The following WIZ variants were observed in gnomAD, a reference collection of about 807,000 sequenced individuals.
WIZ encodes the protein WIZ zinc finger.
In WIZ, 25 loss-of-function variants were observed where a neutral mutation model predicts 140.2. That is an observed-to-expected ratio of 0.18 (90% CI 0.13 to 0.25). WIZ has a LOEUF of 0.25. Among genes scored for constraint, WIZ ranks in the 10% least tolerant of loss-of-function variants. WIZ has a pLI of 1.00. For synonymous variants in WIZ, 1,125 were observed against 1,154.3 expected, an observed-to-expected ratio of 0.97 and a Z score of 0.51; for missense variants, 2,231 against 2,632.6, an observed-to-expected ratio of 0.85 and a Z score of 3.34.
In WIZ at chr19:15,439,957, G is replaced by A; in HGVS notation, c.1037C>T (p.Pro346Leu). Residue 346 changes from proline to leucine, a missense_variant, in exon 4 of 13, where the codon CCT becomes CTT. Coordinates refer to ENST00000673675, the MANE Select transcript of WIZ (RefSeq NM_001371589.1). This position sits in a 1 kb window ranked among gnomAD's most constrained non-coding sequence, Gnocchi z 7.0. ...QHRRAPGQEPPADLAPLACGE... is the reference protein window; with the variant it reads ...QHRRAPGQEPLADLAPLACGE... ...GCAGGCCAGCGGGGCCAGGTCCGCAGGGGGCTCCTGGCCCGGGGCTCGGCG... is the reference window on the plus strand; with the variant it reads ...GCAGGCCAGCGGGGCCAGGTCCGCAAGGGGCTCCTGGCCCGGGGCTCGGCG... 6.5e-7 allele frequency: 1 copy of A among 1,535,554 alleles called. No homozygotes were observed. Among genetic ancestry groups the A allele is most frequent in the Non-Finnish European group, 8.7e-7 (1 of 1,146,600 alleles).
chr19:15,440,243 C>A lies in WIZ; in HGVS notation c.751G>T (p.Glu251Ter). 1 of 1,495,762 alleles carries A rather than the reference C, an allele frequency of 6.7e-7. No individual in the cohort carries two copies. The highest frequency in any genetic ancestry group is 8.9e-7 in the Non-Finnish European group (1 of 1,126,820). The allele number at this position is 1,495,762 out of a possible 1,614,324, so 92.7% of individuals were successfully genotyped here. A position where few individuals can be genotyped will look rare whatever the true frequency, so the allele number is the denominator to read the frequency against. The change falls in exon 4 of 13, where the codon GAG becomes TAG. Residue 251 changes from glutamate (E) to a stop codon, truncating the protein, a stop_gained. Coordinates refer to ENST00000673675, the MANE Select transcript of WIZ (RefSeq NM_001371589.1). LOFTEE classifies it high-confidence loss of function. This position sits in a 1 kb window ranked among gnomAD's most constrained non-coding sequence, Gnocchi z 6.2. ...EDLEGLAQPS[E>*]WGLPTSASEV... ...GAGGCTGACGTGGGTAGGCCCCACTCGGACGGCTGGGCCAGCCCCTCCAGG... is the reference window on the plus strand; with the variant it reads ...GAGGCTGACGTGGGTAGGCCCCACTAGGACGGCTGGGCCAGCCCCTCCAGG...
Position 15,439,979 on chromosome 19 carries a change from G to C in WIZ, c.1015C>G (p.Arg339Gly). ...HLLEHMSQHR[R>G]APGQEPPADL... is the part of the protein sequence containing the mutation. ...GCAGGGGGCTCCTGGCCCGGGGCTC[G>C]GCGGTGCTGGCTCATGTGCTCCAGG... Residue 339 changes from arginine (R) to glycine (G), a missense_variant, in exon 4 of 13, where the codon CGA becomes GGA. This residue lies in a region of WIZ where 475 missense variants were observed against 520.2 expected (regional missense o/e 0.91). Coordinates refer to ENST00000673675, the MANE Select transcript of WIZ (RefSeq NM_001371589.1). This position sits in a 1 kb window ranked among gnomAD's most constrained non-coding sequence, Gnocchi z 7.0. The C allele has an allele frequency of 6.5e-7, 1 of 1,535,800 alleles. No individual in the cohort carries two copies. The highest frequency in any genetic ancestry group is 1.2e-5 in the South Asian group (1 of 84,062).
intron 5 of WIZ, among the ~76,000 whole-genome samples, chr19:15,432,837 T>TGCCGAGC (rs759612841): frequency 5.3e-5 from 8 of 150,790 alleles, no homozygotes; most frequent in South Asian, 2.1e-4. Flanking sequence ...GCCTGCCGAG[T>TGCCGAGC]GCCGAGCGCC....
At position 15,437,077 on chromosome 19, in the gene WIZ, C is replaced by T; in HGVS notation, c.2469G>A (p.Gly823=). ...GGCCGGCCCGTGTGTCGAAGCCAGCCCCGCAGAAGTCACAGCGCATCAGGC... is the reference window on the plus strand; with the variant it reads ...GGCCGGCCCGTGTGTCGAAGCCAGCTCCGCAGAAGTCACAGCGCATCAGGC... ...TFSLMRCDFC[G]AGFDTRAGLS... The change falls in exon 5 of 13, where the codon GGG becomes GGA. Residue 823 remains glycine (G), a synonymous_variant. Coordinates refer to ENST00000673675, the MANE Select transcript of WIZ (RefSeq NM_001371589.1). 4 of 1,613,124 alleles carry T rather than the reference C, an allele frequency of 2.5e-6. No homozygotes were observed. Among genetic ancestry groups the T allele is most frequent in the Non-Finnish European group, 3.4e-6 (4 of 1,179,592 alleles).
At chr19:15,431,260 C>T in intron 5 of WIZ, 78 bp from the exon 6 acceptor site, 2 of 1,408,492 alleles carry the variant, frequency 1.4e-6, no homozygotes, top group South Asian at 3.0e-5. Context: ...TGGCCTTCTT[C>T]CTTATCCTTG....
intron 4 of WIZ, among the ~76,000 whole-genome samples, chr19:15,438,121 C>T (rs775507380): frequency 2.6e-5 from 4 of 152,216 alleles, no homozygotes; most frequent in African/African-American, 7.2e-5. Flanking sequence ...CTTCTGGAAT[C>T]AGAGCCTTGT....
At chr19:15,425,853 GGAGGGAGGAGGAGGAGGA>G (rs1208580834) in intron 9 of WIZ, 85 bp from the exon 10 acceptor site, 1 of 21,126 alleles carries the variant, frequency 4.7e-5, no homozygotes, top group African/African-American at 9.2e-4. Context: ...GGAGGAGGGA[GGAGGGAGGAGGAGGAGGA>G]GGAGGAGGAG....
At chr19:15,435,113 G>A (rs1357681134) in intron 5 of WIZ, among the ~76,000 whole-genome samples, 1 of 152,002 alleles carries the variant, frequency 6.6e-6, no homozygotes, top group Non-Finnish European at 1.5e-5. Context: ...AGCTACTCAG[G>A]AGTCTGAGGC....
chr19:15,432,296 G>A (rs974712481), intron 5 of WIZ: 1 of 272,276 alleles, frequency 3.7e-6, no homozygotes, highest in Non-Finnish European at 5.6e-6. Flanking sequence ...GCGACAGAAG[G>A]CCCTGGGCCC....
intron 6 of WIZ, among the ~76,000 whole-genome samples, chr19:15,430,319 A>G (rs1296427305): frequency 1.3e-5 from 2 of 152,264 alleles, no homozygotes; most frequent in Non-Finnish European, 2.9e-5. Context: ...GCCCAAGGGC[A>G]CACAGCAGGA....
At position 15,424,396 on chromosome 19, in the gene WIZ, A is replaced by G; in HGVS notation, c.5315-18T>C. 6.3e-7 allele frequency: 1 copy of G among 1,595,752 alleles called. No individual in the cohort carries two copies. Among genetic ancestry groups the G allele is most frequent in the South Asian group, 1.1e-5 (1 of 89,708 alleles). ...TTCAAATTCTAAGGTGGAGAGGGGG[A>G]CGGGAGATGAGTGGGAGGGGTGGAT... is the stretch of plus-strand genomic sequence containing the variant. On this transcript the variant is annotated intron_variant, in intron 11 of 12. Coordinates refer to ENST00000673675, the MANE Select transcript of WIZ (RefSeq NM_001371589.1). This position sits in a 1 kb window ranked among gnomAD's most constrained non-coding sequence, Gnocchi z 9.7.
At position 15,428,051 on chromosome 19, in the gene WIZ, C is replaced by CG. The variant is rs1459809429; in HGVS notation, c.3814+58_3814+59insC. On this transcript the variant is annotated intron_variant, in intron 8 of 12. Coordinates refer to ENST00000673675, the MANE Select transcript of WIZ (RefSeq NM_001371589.1). The surrounding 1 kb of genome is among the most constrained non-coding windows in gnomAD (Gnocchi z 6.4). ...CAGCAGGGAGGGGGCTGTGACCCCC[C>CG]CCCCGGGAGGGGCTCCAGGGCCCGC... 2.0e-6 allele frequency: 3 copies of CG among 1,515,368 alleles called. No individual in the cohort carries two copies. Among genetic ancestry groups the CG allele is most frequent in the Non-Finnish European group, 2.6e-6 (3 of 1,138,692 alleles). 93.9% of individuals were successfully genotyped at this position (1,515,368 alleles called of 1,614,324 possible).
In WIZ at chr19:15,428,496, T is replaced by A. The variant is rs1450908293; in HGVS notation, c.3428A>T (p.Asp1143Val). The change falls in exon 8 of 13, where the codon GAC (aspartate) becomes GTC (valine). Residue 1143 changes from aspartate to valine, a missense_variant. Physicochemically the swap from Asp to Val is radical, Grantham distance 152. This residue lies in a region of WIZ where 39 missense variants were observed against 74.9 expected (regional missense o/e 0.52). Coordinates refer to ENST00000673675, the MANE Select transcript of WIZ (RefSeq NM_001371589.1). The surrounding 1 kb of genome is among the most constrained non-coding windows in gnomAD (Gnocchi z 6.4). The part of the protein sequence containing the change: ...EGPLNLTLDS[D>V]GGRELDCQLC... ...CTGGCAGTCCAGCTCTCTGCCCCCG[T>A]CACTATCTAAAGCTGCGGAGACAAA... The A allele has an allele frequency of 4.6e-6, 7 of 1,535,288 alleles. No homozygotes were observed. Among genetic ancestry groups the A allele is most frequent in the Non-Finnish European group, 6.1e-6 (7 of 1,146,760 alleles).
rs1448908994 is a variant in WIZ at position 15,424,019 on chromosome 19, C to T, written c.5510+164G>A. 1.7e-6 allele frequency: 1 copy of T among 597,820 alleles called. No homozygotes were observed. Among genetic ancestry groups the T allele is most frequent in the East Asian group, 3.5e-5 (1 of 28,948 alleles). The allele number at this position is 597,820 out of a possible 1,614,324, so 37.0% of individuals were successfully genotyped here. A position where few individuals can be genotyped will look rare whatever the true frequency, so the allele number is the denominator to read the frequency against. On this transcript the variant is annotated intron_variant, in intron 12 of 12. Transcript: ENST00000673675. The surrounding 1 kb of genome is among the most constrained non-coding windows in gnomAD (Gnocchi z 9.7). Reference sequence around the variant, plus strand: ...GGGATTTGAACCCAGGTCTCGCAGGCTACAAAGCTCAGGGTGTCAGCCTTT... The same window carrying T: ...GGGATTTGAACCCAGGTCTCGCAGGTTACAAAGCTCAGGGTGTCAGCCTTT...
In WIZ at chr19:15,425,502, C is replaced by T. The variant is rs372587052; in HGVS notation, c.4633G>A (p.Val1545Met). 28 of 1,609,976 alleles carry T rather than the reference C, an allele frequency of 1.7e-5. No homozygotes were observed. The highest frequency in any genetic ancestry group is 6.7e-5 in the East Asian group (3 of 44,760). Residue 1545 changes from valine to methionine, a missense_variant, in exon 10 of 13, where the codon GTG (valine) becomes ATG (methionine). Around this residue, in one of 15 missense-constraint regions of WIZ, gnomAD observed 393 missense variants for 451.7 expected, o/e 0.87. Transcript: ENST00000673675. The part of the protein sequence containing the change: ...DGPPTVAPGP[V>M]QSPLPLSPLA... ...GGCGACAGCGGCAGTGGGGACTGCA[C>T]GGGCCCAGGGGCCACGGTGGGAGGC...
chr19:15,421,919 A>G lies in WIZ; in HGVS notation c.*1157T>C, dbSNP rs548224076. On this transcript the variant is annotated 3_prime_UTR_variant, in exon 13 of 13. Transcript: ENST00000673675. ...CCCAGCCATGGCCTAAAGAGCCAAC[A>G]GCTGGGAACTTGGGCTCATCCCCAG... The G allele has an allele frequency of 9.2e-5, 14 of 152,330 alleles. No homozygotes were observed. The highest frequency in any genetic ancestry group is 3.4e-4 in the African/African-American group (14 of 41,564). 9.4% of individuals were successfully genotyped at this position (152,330 alleles called of 1,614,324 possible).
chr19:15,429,253 C>A (rs920318863), intron 7 of WIZ, among the ~76,000 whole-genome samples: 1 of 152,190 alleles, frequency 6.6e-6, no homozygotes, highest in African/African-American at 2.4e-5. Flanking sequence ...CACAGGAACC[C>A]TGGTTACCTT....
intron 5 of WIZ, 64 bp downstream of exon 5, chr19:15,436,742 C>G: frequency 6.9e-7 from 1 of 1,446,430 alleles, no homozygotes; most frequent in Non-Finnish European, 9.1e-7. Flanking sequence ...CCAGCCCCGC[C>G]CCTCCAATGC....
chr19:15,423,642 C>G (rs190964751), intron 12 of WIZ, among the ~76,000 whole-genome samples: 1 of 152,230 alleles, frequency 6.6e-6, no homozygotes, highest in African/African-American at 2.4e-5. Context: ...GCCTGGAGCC[C>G]AAGCTCCATG....
Sources: allele counts gnomAD v4.1 joint callset (sites outside exome capture counted in the v4.1 genomes callset), GRCh38; gene constraint gnomAD v4.1.1; regional missense constraint gnomAD v4.1.1; non-coding constraint Gnocchi (gnomAD v3.1); transcripts MANE v1.5; gene names NCBI Gene and HGNC (gene_info 2026-07-23, HGNC 2026-07-21).